Variants in WASF2 observed in about 807,000 individuals in gnomAD.
WASF2 encodes actin-binding protein WASF2.
In WASF2, 14 loss-of-function variants were observed where a neutral mutation model predicts 45.0. The observed-to-expected ratio is 0.31, with a 90% CI of 0.21 to 0.49. The LOEUF (loss-of-function observed/expected upper bound fraction) is 0.49. Ranked by LOEUF, WASF2 falls within the 20% of genes least tolerant of loss-of-function variation. The pLI is 0.99. For missense variants in WASF2, 439 were observed against 636.1 expected (o/e 0.69, Z 3.33); for synonymous variants, 200 against 236.3 (o/e 0.85, Z 1.41).
At chr1:27,450,436 C>G (rs1388883127) in intron 1 of WASF2, among the ~76,000 whole-genome samples, 1 of 152,178 alleles carries the variant, frequency 6.6e-6, no homozygotes, top group Non-Finnish European at 1.5e-5. Flanking sequence ...TTCCTCTCCT[C>G]AATACTTTTG....
intron 1 of WASF2, among the ~76,000 whole-genome samples, chr1:27,440,360 A>G (rs181609347): frequency 4.0e-4 from 61 of 152,320 alleles, no homozygotes; most frequent in African/African-American, 1.4e-3. Flanking sequence ...CCCGTCTACA[A>G]AAAATACAAA....
intron 2 of WASF2, among the ~76,000 whole-genome samples, chr1:27,422,471 T>C (rs1271535284): frequency 1.3e-5 from 2 of 151,552 alleles, no homozygotes. Flanking sequence ...TACAAAAAAT[T>C]AGCCAGGCGT....
At chr1:27,428,015 A>C (rs149244608) in intron 2 of WASF2, among the ~76,000 whole-genome samples, 1 of 152,272 alleles carries the variant, frequency 6.6e-6, no homozygotes, top group Non-Finnish European at 1.5e-5. Flanking sequence ...AGTCTCATTC[A>C]TTCTTGCCAA....
rs573376274 is a variant in WASF2 at position 27,455,503 on chromosome 1, A to G, written c.-43-26570T>C. Among the ~76,000 whole-genome samples the G allele has an allele frequency of 2.4e-3, 365 of 152,306 alleles. 5 individuals carry two copies. Among genetic ancestry groups the G allele is most frequent in the Non-Finnish European group, 1.3e-3 (88 of 68,028 alleles). ...GGCCGAGACTGAGAAAAATCAGACT[A>G]GGAATGATCAGAGAGAATGTGTTAT... On this transcript the variant is annotated intron_variant, in intron 1 of 8. Transcript: ENST00000618852.
At chr1:27,458,213 T>C (rs1451362938) in intron 1 of WASF2, among the ~76,000 whole-genome samples, 10 of 148,548 alleles carry the variant, frequency 6.7e-5, no homozygotes. Context: ...CTTGGGAGGC[T>C]GAGGCAGGAG....
intron 1 of WASF2, among the ~76,000 whole-genome samples, chr1:27,463,569 G>A (rs2017575669): frequency 1.4e-5 from 2 of 145,224 alleles, no homozygotes; most frequent in South Asian, 4.4e-4. Flanking sequence ...CTTGCAGTGA[G>A]CCGAGATAGC....
At chr1:27,462,905 C>T (rs1042841761) in intron 1 of WASF2, among the ~76,000 whole-genome samples, 3 of 152,090 alleles carry the variant, frequency 2.0e-5, no homozygotes, top group Admixed American at 1.3e-4. Flanking sequence ...CGGCAACCTT[C>T]GCCTCCTGCG....
At chr1:27,408,397 A>G (rs764172800) in intron 8 of WASF2, 51 bp from the exon 9 acceptor site, 10 of 1,611,050 alleles carry the variant, frequency 6.2e-6, no homozygotes, top group Non-Finnish European at 8.5e-6. Flanking sequence ...CAGCCTTGGA[A>G]TCCATCTGGA....
intron 1 of WASF2, among the ~76,000 whole-genome samples, chr1:27,489,252 GCACACACA>G (rs60315426): frequency 0.08 from 6,416 of 80,094 alleles, 351 homozygotes; most frequent in Middle Eastern, 0.094. Flanking sequence ...CTGTACGCGC[GCACACACA>G]CACACACACA....
chr1:27,429,227 C>T (rs566355937), intron 1 of WASF2, among the ~76,000 whole-genome samples: 21 of 152,178 alleles, frequency 1.4e-4, no homozygotes, highest in Non-Finnish European at 2.6e-4. Flanking sequence ...ACTACTGCTC[C>T]AACCAACAAG....
chr1:27,408,163 A>G lies in WASF2; in HGVS notation c.*26T>C. The stretch of plus-strand genomic sequence containing the variant: ...GAAGGCAGGTAGGAAGGAAAGAAAA[A>G]GAAGGTGGGCAGCAGGCAGAAAGAG... On this transcript the variant is annotated 3_prime_UTR_variant, in exon 9 of 9. Transcript: ENST00000618852. 1 of 1,601,106 alleles carries G rather than the reference A, an allele frequency of 6.2e-7. No individual in the cohort carries two copies. Among genetic ancestry groups the G allele is most frequent in the Non-Finnish European group, 8.5e-7 (1 of 1,170,592 alleles).
intron 1 of WASF2, among the ~76,000 whole-genome samples, chr1:27,441,179 T>G (rs933987913): frequency 3.3e-5 from 5 of 151,958 alleles, no homozygotes; most frequent in African/African-American, 1.2e-4. Flanking sequence ...CTTTTCTATG[T>G]TTAGTTATGT....
At chr1:27,450,868 T>C (rs2017375466) in intron 1 of WASF2, among the ~76,000 whole-genome samples, 1 of 151,696 alleles carries the variant, frequency 6.6e-6, no homozygotes, top group Admixed American at 6.6e-5. Flanking sequence ...CTTTCCTCAA[T>C]AAATATGGGT....
intron 1 of WASF2, among the ~76,000 whole-genome samples, chr1:27,464,595 C>T (rs1273325534): frequency 6.6e-6 from 1 of 152,108 alleles, no homozygotes; most frequent in Non-Finnish European, 1.5e-5. Flanking sequence ...CACAGTCAGC[C>T]CTCATACACC....
intron 1 of WASF2, among the ~76,000 whole-genome samples, chr1:27,446,558 AT>A (rs2017311965): frequency 6.6e-6 from 1 of 152,162 alleles, no homozygotes; most frequent in Non-Finnish European, 1.5e-5. Flanking sequence ...AGGCAGGCAG[AT>A]CACTTGAGCC....
chr1:27,485,459 T>C (rs1184175283), intron 1 of WASF2, among the ~76,000 whole-genome samples: 1 of 151,954 alleles, frequency 6.6e-6, no homozygotes, highest in South Asian at 2.1e-4. Context: ...GAAATAAAAT[T>C]TTTAAAATTA....
intron 1 of WASF2, among the ~76,000 whole-genome samples, chr1:27,429,573 C>A (rs939749646): frequency 6.6e-6 from 1 of 151,960 alleles, no homozygotes; most frequent in Non-Finnish European, 1.5e-5. Flanking sequence ...GCCAGGAGTT[C>A]GAGAGCAGCC....
At chr1:27,435,366 C>T (rs1017246596) in intron 1 of WASF2, among the ~76,000 whole-genome samples, 1 of 152,094 alleles carries the variant, frequency 6.6e-6, no homozygotes, top group Non-Finnish European at 1.5e-5. Flanking sequence ...CGGAAGATTG[C>T]TTGAGCTCAG....
intron 1 of WASF2, among the ~76,000 whole-genome samples, chr1:27,467,429 T>C (rs868852116): frequency 7.1e-4 from 106 of 148,954 alleles, no homozygotes; most frequent in Middle Eastern, 3.4e-3. Context: ...GCCTCCCGAG[T>C]AGCTGGGACT....
Sources: gnomAD v4.1 joint callset for allele counts (sites outside exome capture counted in the v4.1 genomes callset) on GRCh38, gnomAD v4.1.1 for gene constraint, MANE v1.5 for transcripts, NCBI Gene and HGNC (gene_info 2026-07-23, HGNC 2026-07-21) for gene names.